Variants in CSMD1 observed in about 807,000 individuals in gnomAD.
CSMD1 encodes the protein CUB and sushi domain-containing protein 1.
In CSMD1, 213 loss-of-function variants were observed where a neutral mutation model predicts 417.5. That is an observed-to-expected ratio of 0.51 (90% confidence interval 0.46 to 0.57). CSMD1 has a LOEUF of 0.57. CSMD1 is among the 20% of genes least tolerant of loss of function. The pLI is 0.00. For synonymous variants in CSMD1, 2,862 were observed against 1,736.8 expected, an observed-to-expected ratio of 1.65 and a Z score of -16.11; for missense variants, 6,923 against 4,529.7, an observed-to-expected ratio of 1.53 and a Z score of -15.17.
chr8:3,714,516 G>A (rs1351678317), intron 6 of CSMD1, among the ~76,000 whole-genome samples: 2 of 131,784 alleles, frequency 1.5e-5, no homozygotes, highest in Non-Finnish European at 3.1e-5. Context: ...GAAGTTAGGA[G>A]TTCAACAGCA....
At chr8:3,934,395 C>T (rs1004139726) in intron 5 of CSMD1, among the ~76,000 whole-genome samples, 1 of 152,120 alleles carries the variant, frequency 6.6e-6, no homozygotes, top group East Asian at 1.9e-4. Flanking sequence ...ATCTTGTATT[C>T]ATTGAAATCA....
intron 41 of CSMD1, among the ~76,000 whole-genome samples, chr8:3,127,193 C>T (rs1231066592): frequency 6.6e-6 from 1 of 152,118 alleles, no homozygotes; most frequent in African/African-American, 2.4e-5. Context: ...GGGATTGCTA[C>T]AACTCTTTGG....
intron 1 of CSMD1, among the ~76,000 whole-genome samples, chr8:4,848,438 G>A (rs191209339): frequency 1.9e-4 from 29 of 152,252 alleles, no homozygotes; most frequent in East Asian, 1.4e-3. Context: ...ACATTGTAAC[G>A]CAGTGCATTA....
intron 10 of CSMD1, among the ~76,000 whole-genome samples, chr8:3,502,508 A>G (rs1214498306): frequency 2.0e-5 from 3 of 152,224 alleles, no homozygotes; most frequent in Non-Finnish European, 4.4e-5. Context: ...GTATATCCAG[A>G]CAGTGGAATA....
At chr8:4,044,854 G>C (rs1217178972) in intron 3 of CSMD1, among the ~76,000 whole-genome samples, 3 of 127,414 alleles carry the variant, frequency 2.4e-5, no homozygotes. Flanking sequence ...ACCATGCTGG[G>C]GACTGCACCA....
chr8:4,199,549 C>G (rs781344352), intron 3 of CSMD1, among the ~76,000 whole-genome samples: 1 of 152,126 alleles, frequency 6.6e-6, no homozygotes, highest in Non-Finnish European at 1.5e-5. Flanking sequence ...TGAATCCTCT[C>G]GGCTACCAAA....
intron 26 of CSMD1, among the ~76,000 whole-genome samples, chr8:3,269,598 G>A (rs1370149927): frequency 6.6e-6 from 1 of 152,200 alleles, no homozygotes; most frequent in Non-Finnish European, 1.5e-5. Flanking sequence ...CGCAAAACCT[G>A]AGAATGAAAC....
intron 5 of CSMD1, among the ~76,000 whole-genome samples, chr8:3,890,403 G>A (rs1160888177): frequency 6.6e-6 from 1 of 151,900 alleles, no homozygotes; most frequent in African/African-American, 2.4e-5. Context: ...AAGACAAAGG[G>A]GACATCAGAC....
chr8:3,812,065 T>A (rs1454762779), intron 5 of CSMD1, among the ~76,000 whole-genome samples: 1 of 152,210 alleles, frequency 6.6e-6, no homozygotes, highest in Non-Finnish European at 1.5e-5. Flanking sequence ...ATTTCACGAT[T>A]TCATCAGTCA....
chr8:3,819,162 G>C (rs1035439997), intron 5 of CSMD1, among the ~76,000 whole-genome samples: 5 of 152,156 alleles, frequency 3.3e-5, no homozygotes, highest in African/African-American at 1.2e-4. Context: ...TCTGACATCA[G>C]AGGATGAGTC....
At chr8:3,763,631 C>A (rs1798124594) in intron 5 of CSMD1, among the ~76,000 whole-genome samples, 1 of 152,092 alleles carries the variant, frequency 6.6e-6, no homozygotes, top group African/African-American at 2.4e-5. Context: ...AAATAAATTA[C>A]CCAGTCTCAA....
At position 3,847,892 on chromosome 8, in the gene CSMD1, T is replaced by C. The variant is rs531537551; in HGVS notation, c.819-93850A>G. 1.2e-4 allele frequency among the ~76,000 whole-genome samples: 19 copies of C among 152,332 alleles called. No homozygotes were observed. In the East Asian group the frequency reaches 3.5e-3, roughly 28 times the overall value. ...TATAGCTAGTCTGACTTTTCAACTC[T>C]ATCCGTTTTCTCTCCTTATAAATAA... On this transcript the variant is annotated intron_variant, in intron 5 of 69. Coordinates refer to ENST00000635120, the MANE Select transcript of CSMD1 (RefSeq NM_033225.6).
At chr8:3,289,573 C>G (rs1403917755) in intron 25 of CSMD1, among the ~76,000 whole-genome samples, 1 of 98,892 alleles carries the variant, frequency 1.0e-5, no homozygotes, top group Non-Finnish European at 2.4e-5. Flanking sequence ...TCTCTGATGG[C>G]CGGTGATGAT....
At chr8:3,754,278 C>A (rs1458154411) in intron 5 of CSMD1, among the ~76,000 whole-genome samples, 1 of 152,108 alleles carries the variant, frequency 6.6e-6, no homozygotes, top group Admixed American at 6.6e-5. Context: ...TTGATACTTT[C>A]ATTCTCCTTT....
chr8:3,277,569 G>C (rs995488030), intron 26 of CSMD1, among the ~76,000 whole-genome samples: 2 of 152,186 alleles, frequency 1.3e-5, no homozygotes, highest in African/African-American at 2.4e-5. Context: ...GTTTCATCCT[G>C]ACAGCCTGAG....
intron 8 of CSMD1, among the ~76,000 whole-genome samples, chr8:3,596,280 A>G (rs527470199): frequency 6.6e-6 from 1 of 152,292 alleles, no homozygotes; most frequent in East Asian, 1.9e-4. Context: ...AGCAGCAGAC[A>G]TGAGTTTGTT....
chr8:4,588,025 T>C (rs527490315), intron 2 of CSMD1, among the ~76,000 whole-genome samples: 5 of 152,192 alleles, frequency 3.3e-5, no homozygotes, highest in Non-Finnish European at 5.9e-5. Context: ...TAAGCAAGCA[T>C]AGGAAAAAGA....
At chr8:3,556,535 CACACACACACACACA>C (rs1563150203) in intron 10 of CSMD1, among the ~76,000 whole-genome samples, 4 of 148,884 alleles carry the variant, frequency 2.7e-5, no homozygotes, top group East Asian at 3.9e-4. Flanking sequence ...CACACACACA[CACACACACACACACA>C]CCCTCTCTCT....
At chr8:4,029,331 G>C (rs78145890) in intron 4 of CSMD1, among the ~76,000 whole-genome samples, 1 of 152,090 alleles carries the variant, frequency 6.6e-6, no homozygotes, top group Non-Finnish European at 1.5e-5. Context: ...CCCAAGAATG[G>C]GCAATTTACA....
Sources: gnomAD v4.1 joint callset for allele counts (sites outside exome capture counted in the v4.1 genomes callset) on GRCh38, gnomAD v4.1.1 for gene constraint, MANE v1.5 for transcripts, NCBI Gene and HGNC (gene_info 2026-07-23, HGNC 2026-07-21) for gene names.